Variants in LRRTM4 observed in about 807,000 individuals in gnomAD.
LRRTM4 encodes the protein leucine rich repeat transmembrane neuronal 4, also known as leucine-rich repeat transmembrane neuronal protein 4.
A neutral mutation model predicts 47.6 loss-of-function variants in LRRTM4; 25 were observed. The ratio of observed to expected loss-of-function variants is 0.53; its 90% CI spans 0.38 to 0.73. The LOEUF (loss-of-function observed/expected upper bound fraction) is 0.73, where lower values mean the gene tolerates loss of function less well. Among genes scored for constraint, LRRTM4 ranks in the 30% least tolerant of loss-of-function variants. The pLI, the probability that LRRTM4 is intolerant of heterozygous loss-of-function variation, is 0.00. For synonymous variants in LRRTM4, 311 were observed against 269.5 expected, an observed-to-expected ratio of 1.15 and a Z score of -1.51; for missense variants, 638 against 713.4, an observed-to-expected ratio of 0.89 and a Z score of 1.20.
At chr2:76,791,402 T>A (rs1674962502) in intron 3 of LRRTM4, among the ~76,000 whole-genome samples, 2 of 152,202 alleles carry the variant, frequency 1.3e-5, no homozygotes, top group East Asian at 1.9e-4. Flanking sequence ...AAAATTAGAA[T>A]GTAAGTTTCA....
At position 77,448,922 on chromosome 2, in the gene LRRTM4, T is replaced by C. The variant is rs376245573; in HGVS notation, c.1551+69396A>G. On this transcript the variant is annotated intron_variant, in intron 3 of 3. Transcript: ENST00000409884. ...GGAAAGTGGCCAGTTTAAACCATTTTACTATATTTGCAACTGATATTGACA... is the reference window on the plus strand; with the variant it reads ...GGAAAGTGGCCAGTTTAAACCATTTCACTATATTTGCAACTGATATTGACA... Among the ~76,000 whole-genome samples, 14 of 152,338 alleles carry C rather than the reference T, an allele frequency of 9.2e-5. 1 individual carries two copies. Among genetic ancestry groups the C allele is most frequent in the African/African-American group, 3.1e-4 (13 of 41,592 alleles).
At chr2:77,086,645 C>T (rs985901557) in intron 3 of LRRTM4, among the ~76,000 whole-genome samples, 1 of 151,246 alleles carries the variant, frequency 6.6e-6, no homozygotes, top group South Asian at 2.1e-4. Flanking sequence ...GCCTGACTTT[C>T]GTTTGTTTGT....
chr2:76,951,352 C>G (rs573789037), intron 3 of LRRTM4, among the ~76,000 whole-genome samples: 1 of 152,018 alleles, frequency 6.6e-6, no homozygotes, highest in South Asian at 2.1e-4. Flanking sequence ...TCACTTTTTT[C>G]TAGGTATCGG....
At chr2:77,478,205 T>C (rs1238321215) in intron 3 of LRRTM4, among the ~76,000 whole-genome samples, 1 of 152,218 alleles carries the variant, frequency 6.6e-6, no homozygotes. Flanking sequence ...AGAACTTGTT[T>C]GGAGACAATG....
rs528320499 is a variant in LRRTM4, at chr2:76,779,011, G to A, written c.1552-30095C>T. On this transcript the variant is annotated intron_variant, in intron 3 of 3. Transcript: ENST00000409884. ...ACATCCTTATTTGTGCCTTCATTTC[G>A]TTATGTACCCAGTAGTCATTCAGGA... Among the ~76,000 whole-genome samples the A allele has an allele frequency of 7.4e-5, 10 of 134,850 alleles. No homozygotes were observed. In the East Asian group the frequency reaches 8.6e-4, roughly 12 times the overall value. 88.5% of individuals were successfully genotyped at this position (134,850 alleles called of 152,430 possible). A position where few individuals can be genotyped will look rare whatever the true frequency, so the allele number is the denominator to read the frequency against.
intron 3 of LRRTM4, among the ~76,000 whole-genome samples, chr2:77,485,044 C>T (rs958503324): frequency 1.3e-5 from 2 of 152,058 alleles, no homozygotes; most frequent in Non-Finnish European, 2.9e-5. Context: ...ACTGGTTTCT[C>T]TTCAATGAGT....
At chr2:76,858,031 A>T (rs1049217081) in intron 3 of LRRTM4, among the ~76,000 whole-genome samples, 1 of 152,152 alleles carries the variant, frequency 6.6e-6, no homozygotes, top group Non-Finnish European at 1.5e-5. Flanking sequence ...ATAACAATTG[A>T]AACAGTATAA....
At chr2:77,338,810 T>C (rs1399426756) in intron 3 of LRRTM4, among the ~76,000 whole-genome samples, 1 of 152,070 alleles carries the variant, frequency 6.6e-6, no homozygotes. Context: ...GTATGTTTAT[T>C]GCAGCACTAT....
intron 3 of LRRTM4, among the ~76,000 whole-genome samples, chr2:77,329,206 T>C (rs1670884357): frequency 6.6e-6 from 1 of 152,184 alleles, no homozygotes; most frequent in Non-Finnish European, 1.5e-5. Flanking sequence ...CTTTTCAGAA[T>C]TCAGCTCAAA....
chr2:77,304,310 A>C (rs1677215274), intron 3 of LRRTM4, among the ~76,000 whole-genome samples: 1 of 152,110 alleles, frequency 6.6e-6, no homozygotes, highest in Non-Finnish European at 1.5e-5. Context: ...ACTTCTTGCT[A>C]TTGAATTGTT....
chr2:76,968,487 CCTAT>C lies in LRRTM4; in HGVS notation c.1552-219575_1552-219572del, dbSNP rs1429836242. ...CTATATCTATGTATCTATCCATCTA[CCTAT>C]CTATTTGTATTCTCACATTGTATGT... On this transcript the variant is annotated intron_variant, in intron 3 of 3. Transcript: ENST00000409884. Among the ~76,000 whole-genome samples, 65 of 149,766 alleles carry C rather than the reference CCTAT, an allele frequency of 4.3e-4. No homozygotes were observed. The Middle Eastern group carries it at 0.014, about 32-fold the overall frequency.
At chr2:77,029,705 C>G (rs1055600097) in intron 3 of LRRTM4, among the ~76,000 whole-genome samples, 2 of 152,020 alleles carry the variant, frequency 1.3e-5, no homozygotes, top group Admixed American at 6.6e-5. Context: ...TATGGTGATG[C>G]GAATTTCTGA....
intron 3 of LRRTM4, among the ~76,000 whole-genome samples, chr2:77,132,958 C>T (rs1671841974): frequency 6.6e-6 from 1 of 152,138 alleles, no homozygotes; most frequent in African/African-American, 2.4e-5. Flanking sequence ...ATAGACATTA[C>T]ACTGCTACTA....
chr2:77,465,173 G>A (rs941698843), intron 3 of LRRTM4, among the ~76,000 whole-genome samples: 3 of 151,940 alleles, frequency 2.0e-5, no homozygotes, highest in Non-Finnish European at 4.4e-5. Context: ...ACGAGCTTTA[G>A]GATTGATGTC....
intron 3 of LRRTM4, among the ~76,000 whole-genome samples, chr2:77,285,340 T>TTATATATATATA (rs10527679): frequency 0.067 from 5,494 of 82,498 alleles, 562 homozygotes; most frequent in African/African-American, 0.15. Flanking sequence ...AGCATTAAAT[T>TTATATATATATA]TATATATATA....
intron 3 of LRRTM4, among the ~76,000 whole-genome samples, chr2:77,167,275 T>A (rs1360928641): frequency 6.6e-6 from 1 of 152,118 alleles, no homozygotes; most frequent in Non-Finnish European, 1.5e-5. Context: ...TCAGTTAGAA[T>A]GGTGATCATT....
chr2:77,051,215 A>G (rs1198655514), intron 3 of LRRTM4, among the ~76,000 whole-genome samples: 1 of 151,966 alleles, frequency 6.6e-6, no homozygotes, highest in Non-Finnish European at 1.5e-5. Context: ...AAACAGCTTC[A>G]CACAACAAAG....
intron 3 of LRRTM4, among the ~76,000 whole-genome samples, chr2:76,888,088 T>G (rs1053032616): frequency 6.7e-6 from 1 of 150,372 alleles, no homozygotes; most frequent in African/African-American, 2.4e-5. Context: ...TATATACATA[T>G]ATAGTGTGTG....
At chr2:76,783,328 G>A (rs1238116193) in intron 3 of LRRTM4, among the ~76,000 whole-genome samples, 2 of 151,872 alleles carry the variant, frequency 1.3e-5, no homozygotes, top group East Asian at 3.9e-4. Flanking sequence ...ATAATGGTTG[G>A]AAAAGTCATT....
Sources: allele counts gnomAD v4.1 joint callset (sites outside exome capture counted in the v4.1 genomes callset), GRCh38; gene constraint gnomAD v4.1.1; transcripts MANE v1.5; gene names NCBI Gene and HGNC (gene_info 2026-07-23, HGNC 2026-07-21).